PDE4D: variants seen among roughly 807,000 people sequenced by gnomAD.
The protein encoded by PDE4D is 3',5'-cyclic-AMP phosphodiesterase 4D.
In PDE4D, 24 loss-of-function variants were observed where a neutral mutation model predicts 87.4. The ratio of observed to expected loss-of-function variants is 0.27; its 90% CI spans 0.20 to 0.39. PDE4D has a LOEUF of 0.39. Ranked by LOEUF, PDE4D falls within the 10% of genes least tolerant of loss-of-function variation. PDE4D has a pLI of 1.00. For missense variants in PDE4D, 714 were observed against 1,041.0 expected, an observed-to-expected ratio of 0.69 and a Z score of 4.32; for synonymous variants, 384 against 383.2, an observed-to-expected ratio of 1.00 and a Z score of -0.02.
Position 59,077,413 on chromosome 5 carries a change from C to T in PDE4D, c.809-38442G>A, listed in dbSNP as rs559711010. Among the ~76,000 whole-genome samples the T allele has an allele frequency of 4.0e-5, 6 of 151,514 alleles. No homozygotes were observed. In the East Asian group the frequency reaches 7.7e-4, roughly 20 times the overall value. On this transcript the variant is annotated intron_variant, in intron 5 of 14. Transcript: ENST00000340635. ...TTGAATTGTAAAAGAGATTTGCAAG[C>T]GGCTGAAGCAGTTACACTATACTGT... is the stretch of plus-strand genomic sequence containing the variant.
chr5:59,287,389 C>A (rs995139453), intron 1 of PDE4D, among the ~76,000 whole-genome samples: 4 of 151,956 alleles, frequency 2.6e-5, no homozygotes, highest in African/African-American at 7.3e-5. Context: ...GCCAGCTCAC[C>A]CACCGTAGAA....
chr5:60,189,341 G>A (rs1785028460), intron 1 of PDE4D, among the ~76,000 whole-genome samples: 1 of 152,174 alleles, frequency 6.6e-6, no homozygotes, highest in Non-Finnish European at 1.5e-5. Flanking sequence ...TTATATAGCA[G>A]AAAATGTCTT....
chr5:59,717,910 C>T (rs1162159991), intron 1 of PDE4D, among the ~76,000 whole-genome samples: 1 of 152,198 alleles, frequency 6.6e-6, no homozygotes, highest in Non-Finnish European at 1.5e-5. Flanking sequence ...TTGTCAGTTA[C>T]CTTTGCTAAA....
In PDE4D at chr5:59,574,104, TTATATATATATATAAATATATA is replaced by T. The variant is rs1561241263; in HGVS notation, c.455+319042_455+319063del. ...TATATTTATATATATAAATATATAT[TTATATATATATATAAATATATA>T]TTTATATATATATATATAAATATAT... On this transcript the variant is annotated intron_variant, in intron 1 of 14. Coordinates refer to ENST00000340635, the MANE Select transcript of PDE4D (RefSeq NM_001104631.2). 9.3e-3 allele frequency among the ~76,000 whole-genome samples: 48 copies of T among 5,186 alleles called. 2 individuals carry two copies. Among genetic ancestry groups the T allele is most frequent in the African/African-American group, 0.015 (40 of 2,700 alleles). 3.4% of individuals were successfully genotyped at this position (5,186 alleles called of 152,430 possible).
chr5:59,196,328 G>A (rs904156234), intron 2 of PDE4D, among the ~76,000 whole-genome samples: 3 of 152,164 alleles, frequency 2.0e-5, no homozygotes, highest in Non-Finnish European at 1.5e-5. Flanking sequence ...TTTGTGATAT[G>A]CATTGGCTGA....
intron 1 of PDE4D, among the ~76,000 whole-genome samples, chr5:59,702,225 G>A (rs898010374): frequency 6.6e-6 from 1 of 152,152 alleles, no homozygotes; most frequent in East Asian, 1.9e-4. Context: ...CCAGGTTCAC[G>A]TCATTCTCCT....
chr5:59,270,762 C>T (rs17628114), intron 1 of PDE4D, among the ~76,000 whole-genome samples: 4,641 of 152,172 alleles, frequency 0.03, 157 homozygotes, highest in Admixed American at 0.094. Flanking sequence ...CTTTTATGGC[C>T]ATTAAAAAGA....
At chr5:59,951,666 T>C (rs1758306380) in intron 3 of PDE4D, among the ~76,000 whole-genome samples, 1 of 152,178 alleles carries the variant, frequency 6.6e-6, no homozygotes, top group Non-Finnish European at 1.5e-5. Context: ...TTACTAAGTT[T>C]TTCTGAAAGC....
chr5:60,469,135 C>T (rs1182853049), intron 1 of PDE4D, among the ~76,000 whole-genome samples: 4 of 152,136 alleles, frequency 2.6e-5, no homozygotes, highest in Non-Finnish European at 5.9e-5. Flanking sequence ...AGCATCTGTC[C>T]TCACCAAGCC....
chr5:59,389,809 T>C (rs181032540), intron 1 of PDE4D, among the ~76,000 whole-genome samples: 53 of 152,040 alleles, frequency 3.5e-4, no homozygotes, highest in African/African-American at 1.3e-3. Context: ...AGTGGATCTC[T>C]TGGAGGTAGA....
intron 1 of PDE4D, among the ~76,000 whole-genome samples, chr5:60,387,405 TC>T (rs1762261262): frequency 1.3e-5 from 2 of 152,234 alleles, no homozygotes; most frequent in South Asian, 4.1e-4. Context: ...TGTTTCCAAC[TC>T]CCTGTGCTCA....
At chr5:59,353,840 C>T (rs1195591834) in intron 1 of PDE4D, among the ~76,000 whole-genome samples, 2 of 151,916 alleles carry the variant, frequency 1.3e-5, no homozygotes, top group Non-Finnish European at 2.9e-5. Flanking sequence ...GTATTTTACC[C>T]ACATAAGATA....
chr5:59,057,853 G>T (rs1762580332), intron 5 of PDE4D, among the ~76,000 whole-genome samples: 1 of 152,172 alleles, frequency 6.6e-6, no homozygotes, highest in South Asian at 2.1e-4. Flanking sequence ...AAAACAGCCT[G>T]ATCAGCCTGT....
At chr5:59,475,523 T>G (rs17796399) in intron 1 of PDE4D, among the ~76,000 whole-genome samples, 12,863 of 152,130 alleles carry the variant, frequency 0.085, 567 homozygotes, top group Middle Eastern at 0.12. Flanking sequence ...CTATTAGTTT[T>G]GCAGAGCAGG....
intron 1 of PDE4D, among the ~76,000 whole-genome samples, chr5:60,508,888 CT>C (rs1387114764): frequency 6.8e-6 from 1 of 146,324 alleles, no homozygotes; most frequent in African/African-American, 2.7e-5. Context: ...TCTTTCTTTT[CT>C]TTTATTTATT....
intron 1 of PDE4D, among the ~76,000 whole-genome samples, chr5:59,892,423 A>G (rs1468941056): frequency 6.6e-6 from 1 of 151,974 alleles, no homozygotes; most frequent in Non-Finnish European, 1.5e-5. Flanking sequence ...CGACTGATAC[A>G]CACACGGTCT....
At chr5:59,531,658 C>T (rs1029883209) in intron 1 of PDE4D, among the ~76,000 whole-genome samples, 3 of 152,116 alleles carry the variant, frequency 2.0e-5, no homozygotes, top group African/African-American at 7.2e-5. Flanking sequence ...CTCCAGGCCC[C>T]CTTCTTTCAT....
At chr5:59,873,136 T>A (rs546476150) in intron 1 of PDE4D, among the ~76,000 whole-genome samples, 2 of 152,328 alleles carry the variant, frequency 1.3e-5, no homozygotes, top group African/African-American at 4.8e-5. Flanking sequence ...ATATACTACA[T>A]AGAGTCAAGT....
chr5:60,145,812 A>C (rs944224031), intron 2 of PDE4D, among the ~76,000 whole-genome samples: 1 of 152,220 alleles, frequency 6.6e-6, no homozygotes, highest in Non-Finnish European at 1.5e-5. Context: ...TTTTGGCTGA[A>C]AAACTTCCTT....
Sources: allele counts gnomAD v4.1 joint callset (sites outside exome capture counted in the v4.1 genomes callset), GRCh38; gene constraint gnomAD v4.1.1; transcripts MANE v1.5; gene names NCBI Gene and HGNC (gene_info 2026-07-23, HGNC 2026-07-21).